The following LRRC4B variants were observed in gnomAD, a reference collection of about 807,000 sequenced individuals.
LRRC4B encodes the protein leucine rich repeat containing 4B.
Under a neutral mutation model 7.3 loss-of-function variants are expected in LRRC4B, and 1 was observed. The ratio of observed to expected loss-of-function variants is 0.14; its 90% confidence interval spans 0.05 to 0.65. The LOEUF (loss-of-function observed/expected upper bound fraction) is 0.65. Among genes scored for constraint, LRRC4B ranks in the 30% least tolerant of loss-of-function variants. The pLI is 0.84. For missense variants in LRRC4B, 730 were observed against 1,041.6 expected (o/e 0.70, Z 4.12); for synonymous variants, 500 against 499.2 (o/e 1.00, Z -0.02).
Position 50,556,167 on chromosome 19 carries a change from A to C in LRRC4B, c.-35-7294T>G, listed in dbSNP as rs1226458495. Among the ~76,000 whole-genome samples, 2 of 152,022 alleles carry C rather than the reference A, an allele frequency of 1.3e-5. No individual in the cohort carries two copies. The highest frequency in any genetic ancestry group is 3.9e-4 in the East Asian group (2 of 5,146). The stretch of plus-strand genomic sequence containing the variant: ...CCCTAGGAGCTGCTGATGAGGAAGC[A>C]GGACTAGGGGCTTGGCTCAGCTCAC... On this transcript the variant is annotated intron_variant, in intron 1 of 2. Transcript: ENST00000652263. The surrounding 1 kb of genome is among the most constrained non-coding windows in gnomAD (Gnocchi z 4.2).
At chr19:50,532,159 C>T (rs971296767) in intron 2 of LRRC4B, among the ~76,000 whole-genome samples, 20 of 152,180 alleles carry the variant, frequency 1.3e-4, no homozygotes. Context: ...TCGCTTGAAC[C>T]CGGGAGGCGG....
intron 1 of LRRC4B, among the ~76,000 whole-genome samples, chr19:50,559,734 C>G (rs1982404200): frequency 6.6e-6 from 1 of 152,230 alleles, no homozygotes; most frequent in African/African-American, 2.4e-5. Flanking sequence ...ATTTTGTTTA[C>G]AACAAAAGGG....
chr19:50,553,802 C>T lies in LRRC4B; in HGVS notation c.-35-4929G>A, dbSNP rs1400120055. 1.3e-5 allele frequency among the ~76,000 whole-genome samples: 2 copies of T among 152,022 alleles called. No homozygotes were observed. Among genetic ancestry groups the T allele is most frequent in the Non-Finnish European group, 2.9e-5 (2 of 68,022 alleles). On this transcript the variant is annotated intron_variant, in intron 1 of 2. Coordinates refer to ENST00000652263, the MANE Select transcript of LRRC4B (RefSeq NM_001080457.2). The surrounding 1 kb of genome is among the most constrained non-coding windows in gnomAD (Gnocchi z 4.2). ...GCTCACCAAACACTGGGTGCAGGGA[C>T]GGATGGGTACGTTATCATCACTGTG...
Position 50,536,672 on chromosome 19 carries a change from C to G in LRRC4B, c.297+11870G>C, listed in dbSNP as rs77987664. On this transcript the variant is annotated intron_variant, in intron 2 of 2. Coordinates refer to ENST00000652263, the MANE Select transcript of LRRC4B (RefSeq NM_001080457.2). ...CTCAGCTCAGCTCCTAGACTCGCCA[C>G]GGGGTGGTGACGAGACCACGGCATC... 7.2e-3 allele frequency among the ~76,000 whole-genome samples: 1,102 copies of G among 152,276 alleles called. 14 individuals are homozygous for G. The highest frequency in any genetic ancestry group is 0.025 in the African/African-American group (1,051 of 41,550).
intron 2 of LRRC4B, among the ~76,000 whole-genome samples, chr19:50,547,664 GA>G (rs1981871676): frequency 6.8e-6 from 1 of 148,070 alleles, no homozygotes; most frequent in African/African-American, 2.5e-5. Flanking sequence ...CTAGTGGCCG[GA>G]AATGCTGGTA....
rs1980695517 is a variant in LRRC4B at position 50,523,984 on chromosome 19, T to C, written c.298-4569A>G. On this transcript the variant is annotated intron_variant, in intron 2 of 2. Transcript: ENST00000652263. Reference sequence around the variant, plus strand: ...AAAAAAAAAAAAAACTGGAAGGACATACTCCAAGCTTTTCTTAGTAGTGAA... The same window carrying C: ...AAAAAAAAAAAAAACTGGAAGGACACACTCCAAGCTTTTCTTAGTAGTGAA... 2.0e-5 allele frequency among the ~76,000 whole-genome samples: 3 copies of C among 150,830 alleles called. No individual in the cohort carries two copies. The South Asian group carries it at 6.3e-4, about 32-fold the overall frequency.
chr19:50,553,075 G>T lies in LRRC4B; in HGVS notation c.-35-4202C>A, dbSNP rs113731391. ...GTGGGGATTAAATCGCTAAATCCTT[G>T]GTAAAGAGTTCTGTCTTCACAACAT... On this transcript the variant is annotated intron_variant, in intron 1 of 2. Transcript: ENST00000652263. This position sits in a 1 kb window ranked among gnomAD's most constrained non-coding sequence, Gnocchi z 4.2. Among the ~76,000 whole-genome samples the T allele has an allele frequency of 6.6e-6, 1 of 152,116 alleles. No individual in the cohort carries two copies. The highest frequency in any genetic ancestry group is 2.4e-5 in the African/African-American group (1 of 41,406).
At chr19:50,564,638 T>G (rs1982568969) in intron 1 of LRRC4B, among the ~76,000 whole-genome samples, 3 of 147,556 alleles carry the variant, frequency 2.0e-5, no homozygotes, top group Admixed American at 6.7e-5. Flanking sequence ...TGAGGGGAGA[T>G]GGAGAGGCGA....
intron 2 of LRRC4B, among the ~76,000 whole-genome samples, chr19:50,532,557 T>C (rs1453475433): frequency 1.3e-5 from 2 of 152,232 alleles, no homozygotes; most frequent in East Asian, 3.8e-4. Flanking sequence ...TTTTCTATAC[T>C]GTCCTCCTCC....
intron 2 of LRRC4B, among the ~76,000 whole-genome samples, chr19:50,538,448 C>T (rs1981388761): frequency 6.6e-6 from 1 of 152,084 alleles, no homozygotes; most frequent in Non-Finnish European, 1.5e-5. Context: ...CTGGAGGGAT[C>T]AGCCGCCTGG....
chr19:50,545,615 A>G (rs1026754213), intron 2 of LRRC4B, among the ~76,000 whole-genome samples: 2 of 151,974 alleles, frequency 1.3e-5, no homozygotes, highest in African/African-American at 4.8e-5. Context: ...GACAGGAAAG[A>G]GCCAGGAAGG....
intron 1 of LRRC4B, among the ~76,000 whole-genome samples, chr19:50,566,070 C>T (rs1982618674): frequency 6.6e-6 from 1 of 151,924 alleles, no homozygotes; most frequent in Admixed American, 6.6e-5. Flanking sequence ...GAGAGGAGCC[C>T]CAGGGAGGAG....
intron 1 of LRRC4B, among the ~76,000 whole-genome samples, chr19:50,552,252 C>T (rs1015825676): frequency 8.7e-5 from 13 of 150,008 alleles, no homozygotes; most frequent in African/African-American, 2.0e-4. Context: ...TCTTGCCCAG[C>T]GTTTTCCTGC....
chr19:50,522,634 G>A (rs1480108573), intron 2 of LRRC4B, among the ~76,000 whole-genome samples: 2 of 149,468 alleles, frequency 1.3e-5, no homozygotes, highest in Non-Finnish European at 3.0e-5. Context: ...GCATCAACAC[G>A]CTTGGCTAAT....
chr19:50,555,790 T>G lies in LRRC4B; in HGVS notation c.-35-6917A>C. 1 of 151,636 alleles carries G rather than the reference T, an allele frequency of 6.6e-6. No individual in the cohort carries two copies. Among genetic ancestry groups the G allele is most frequent in the African/African-American group, 2.4e-5 (1 of 41,222 alleles). 9.4% of individuals were successfully genotyped at this position (151,636 alleles called of 1,614,324 possible). A position where few individuals can be genotyped will look rare whatever the true frequency, so the allele number is the denominator to read the frequency against. On this transcript the variant is annotated intron_variant, in intron 1 of 2. Transcript: ENST00000652263. This position sits in a 1 kb window ranked among gnomAD's most constrained non-coding sequence, Gnocchi z 5.2. ...CATTTTTTGGGGTGGGGTGGGGGGCTAAATTCAGACGGCCAGAGGGAAGAT... is the reference window on the plus strand; with the variant it reads ...CATTTTTTGGGGTGGGGTGGGGGGCGAAATTCAGACGGCCAGAGGGAAGAT...
At chr19:50,552,918 G>C (rs1470966189) in intron 1 of LRRC4B, among the ~76,000 whole-genome samples, 1 of 152,244 alleles carries the variant, frequency 6.6e-6, no homozygotes, top group African/African-American at 2.4e-5. Context: ...TGAGTGCCGA[G>C]AGGCCTGGGT....
At chr19:50,525,382 C>T (rs1018566854) in intron 2 of LRRC4B, among the ~76,000 whole-genome samples, 1 of 149,922 alleles carries the variant, frequency 6.7e-6, no homozygotes, top group Non-Finnish European at 1.5e-5. Flanking sequence ...CACTGAAAGG[C>T]GGCTCTTAGG....
intron 2 of LRRC4B, among the ~76,000 whole-genome samples, chr19:50,520,931 C>A (rs1413542835): frequency 6.6e-6 from 1 of 152,170 alleles, no homozygotes; most frequent in Admixed American, 6.5e-5. Flanking sequence ...CACGCAACGG[C>A]TTCTATGTGG....
At chr19:50,538,559 G>GTTTTTTTTTT (rs71886675) in intron 2 of LRRC4B, among the ~76,000 whole-genome samples, 11 of 90,324 alleles carry the variant, frequency 1.2e-4, no homozygotes, top group South Asian at 3.7e-4. Context: ...GTTTTGTCTT[G>GTTTTTTTTTT]TTTTTTTTTT....
Sources: gnomAD v4.1 joint callset for allele counts (sites outside exome capture counted in the v4.1 genomes callset) on GRCh38, gnomAD v4.1.1 for gene constraint, Gnocchi (gnomAD v3.1) non-coding constraint, MANE v1.5 for transcripts, NCBI Gene and HGNC (gene_info 2026-07-23, HGNC 2026-07-21) for gene names.